PPARGC1A: variants seen among roughly 807,000 people sequenced by gnomAD.
The protein encoded by PPARGC1A is PPARG coactivator 1 alpha.
Under a neutral mutation model 88.7 loss-of-function variants are expected in PPARGC1A, and 25 were observed. The observed-to-expected ratio is 0.28, with a 90% confidence interval of 0.21 to 0.39. The LOEUF is 0.39. Among genes scored for constraint, PPARGC1A ranks in the 10% least tolerant of loss-of-function variants. The pLI is 1.00. For missense variants in PPARGC1A, 880 were observed against 968.7 expected (o/e 0.91, Z 1.22); for synonymous variants, 363 against 355.6 (o/e 1.02, Z -0.24).
chr4:24,453,326 C>T, the PPARGC1A span, among the ~76,000 whole-genome samples: 1 of 152,198 alleles, frequency 6.6e-6, no homozygotes, highest in Non-Finnish European at 1.5e-5. Context: ...AATACAGAGG[C>T]TAAGCTTAAT....
the PPARGC1A span, among the ~76,000 whole-genome samples, chr4:24,321,803 C>G: frequency 1.3e-5 from 2 of 152,156 alleles, no homozygotes; most frequent in African/African-American, 4.8e-5. Context: ...TATTTCTTTC[C>G]AATTCAAATG....
chr4:24,427,581 G>A, the PPARGC1A span, among the ~76,000 whole-genome samples: 1 of 152,232 alleles, frequency 6.6e-6, no homozygotes, highest in Non-Finnish European at 1.5e-5. Flanking sequence ...TGCAGAGCCA[G>A]TGGAGACCTG....
the PPARGC1A span, among the ~76,000 whole-genome samples, chr4:24,427,748 G>A: frequency 6.6e-6 from 1 of 152,040 alleles, no homozygotes; most frequent in South Asian, 2.1e-4. Flanking sequence ...GTGGCAGGAG[G>A]GGTGGTTACT....
chr4:24,256,594 T>C, the PPARGC1A span, among the ~76,000 whole-genome samples: 19 of 152,164 alleles, frequency 1.2e-4, no homozygotes, highest in Admixed American at 6.5e-5. Context: ...GACAGTTACT[T>C]TAAAACATGG....
At chr4:24,023,173 G>A in the PPARGC1A span, among the ~76,000 whole-genome samples, 7 of 151,856 alleles carry the variant, frequency 4.6e-5, no homozygotes, top group South Asian at 6.3e-4. Flanking sequence ...TACTCCTTTC[G>A]TATTTAAGAG....
At chr4:24,246,700 T>C in the PPARGC1A span, among the ~76,000 whole-genome samples, 4 of 152,192 alleles carry the variant, frequency 2.6e-5, no homozygotes, top group African/African-American at 9.6e-5. Context: ...TTCTGTGAGA[T>C]TGTAACACTA....
chr4:23,950,573 C>G, the PPARGC1A span, among the ~76,000 whole-genome samples: 1 of 152,112 alleles, frequency 6.6e-6, no homozygotes, highest in Admixed American at 6.6e-5. Context: ...TCAAATCCAG[C>G]TTCCTCCAAA....
the PPARGC1A span, among the ~76,000 whole-genome samples, chr4:23,979,320 T>C: frequency 6.6e-6 from 1 of 152,206 alleles, no homozygotes. Context: ...CCTGTATCTT[T>C]TATTATAAAT....
At chr4:23,820,691 T>C in intron 7 of PPARGC1A, 1 of 388,364 alleles carries the variant, frequency 2.6e-6, no homozygotes, top group South Asian at 1.9e-5. Context: ...TTTAGGACAA[T>C]CACAAAGAAG....
the PPARGC1A span, among the ~76,000 whole-genome samples, chr4:24,233,106 G>GA: frequency 3.6e-5 from 4 of 110,606 alleles, no homozygotes; most frequent in African/African-American, 8.9e-5. Context: ...GGAAAGGCCA[G>GA]AAAAAATGTG....
At chr4:24,333,545 C>T in the PPARGC1A span, among the ~76,000 whole-genome samples, 1 of 152,246 alleles carries the variant, frequency 6.6e-6, no homozygotes, top group South Asian at 2.1e-4. Context: ...TTACCAGAGG[C>T]AGAGAGCAAG....
At chr4:24,336,531 A>G in the PPARGC1A span, among the ~76,000 whole-genome samples, 1 of 152,174 alleles carries the variant, frequency 6.6e-6, no homozygotes, top group African/African-American at 2.4e-5. Context: ...TATGCCTTTT[A>G]TCCCTGTATT....
the PPARGC1A span, among the ~76,000 whole-genome samples, chr4:24,361,993 A>G: frequency 1.3e-5 from 2 of 152,254 alleles, no homozygotes; most frequent in Non-Finnish European, 2.9e-5. Context: ...CTTTAGCCCC[A>G]TACTGACATT....
At chr4:24,378,944 A>G in the PPARGC1A span, among the ~76,000 whole-genome samples, 1 of 152,192 alleles carries the variant, frequency 6.6e-6, no homozygotes, top group African/African-American at 2.4e-5. Flanking sequence ...GAGTTTTATT[A>G]TACCAGGCAG....
At chr4:24,337,626 T>C in the PPARGC1A span, among the ~76,000 whole-genome samples, 1 of 151,112 alleles carries the variant, frequency 6.6e-6, no homozygotes, top group African/African-American at 2.4e-5. Context: ...CCTCTGTACT[T>C]ACAAGCATTG....
chr4:23,865,694 CATA>C (rs1711784299), intron 2 of PPARGC1A, among the ~76,000 whole-genome samples: 1 of 152,130 alleles, frequency 6.6e-6, no homozygotes, highest in South Asian at 2.1e-4. Context: ...ACACCTTGCA[CATA>C]ATAATATGAA....
At chr4:23,919,264 G>A in the PPARGC1A span, among the ~76,000 whole-genome samples, 1 of 152,066 alleles carries the variant, frequency 6.6e-6, no homozygotes, top group African/African-American at 2.4e-5. Context: ...ATAAATGGTA[G>A]TTTGTTTCTA....
the PPARGC1A span, among the ~76,000 whole-genome samples, chr4:24,039,374 G>C: frequency 2.0e-5 from 3 of 152,074 alleles, no homozygotes; most frequent in Non-Finnish European, 2.9e-5. Context: ...AGATTCCCTA[G>C]TATTTGATTT....
the PPARGC1A span, among the ~76,000 whole-genome samples, chr4:23,955,626 G>T: frequency 6.6e-6 from 1 of 152,144 alleles, no homozygotes; most frequent in East Asian, 1.9e-4. Flanking sequence ...AAAAACTTGG[G>T]CTATAACACG....
Sources: gnomAD v4.1 joint callset for allele counts (sites outside exome capture counted in the v4.1 genomes callset) on GRCh38, gnomAD v4.1.1 for gene constraint, MANE v1.5 for transcripts, NCBI Gene and HGNC (gene_info 2026-07-23, HGNC 2026-07-21) for gene names.